The following MITF variants were observed in gnomAD, a reference collection of about 807,000 sequenced individuals.
MITF encodes microphthalmia-associated transcription factor.
Under a neutral mutation model 60.5 loss-of-function variants are expected in MITF, and 17 were observed. The observed-to-expected ratio is 0.28, with a 90% CI of 0.19 to 0.42. MITF has a LOEUF of 0.42. Ranked by LOEUF, MITF falls within the 10% of genes least tolerant of loss-of-function variation. The pLI, the probability that MITF is intolerant of heterozygous loss-of-function variation, is 1.00. For synonymous variants in MITF, 260 were observed against 248.5 expected, an observed-to-expected ratio of 1.05 and a Z score of -0.43; for missense variants, 622 against 683.5, an observed-to-expected ratio of 0.91 and a Z score of 1.00.
At chr3:69,893,605 A>G (rs775726663) in intron 2 of MITF, among the ~76,000 whole-genome samples, 2 of 152,126 alleles carry the variant, frequency 1.3e-5, no homozygotes, top group African/African-American at 4.8e-5. Context: ...GAGCCACATA[A>G]TGGGTTCTTG....
intron 1 of MITF, among the ~76,000 whole-genome samples, chr3:69,802,683 C>CTTTTTTTT (rs34396439): frequency 1.5e-5 from 1 of 66,212 alleles, no homozygotes; most frequent in East Asian, 4.2e-4. Flanking sequence ...AGTCCATATT[C>CTTTTTTTT]TTTTTTTTTT....
intron 1 of MITF, among the ~76,000 whole-genome samples, chr3:69,861,043 A>G (rs2107211620): frequency 6.6e-6 from 1 of 152,316 alleles, no homozygotes; most frequent in Non-Finnish European, 1.5e-5. Context: ...TTCAAATTAG[A>G]GCCGCTGGAC....
intron 1 of MITF, among the ~76,000 whole-genome samples, chr3:69,808,144 T>C (rs1309559275): frequency 6.7e-6 from 1 of 148,228 alleles, no homozygotes; most frequent in Non-Finnish European, 1.5e-5. Context: ...TATATAAATA[T>C]ATATATAAAA....
At chr3:69,957,782 A>G (rs1230956263) in intron 8 of MITF, among the ~76,000 whole-genome samples, 1 of 152,184 alleles carries the variant, frequency 6.6e-6, no homozygotes, top group Non-Finnish European at 1.5e-5. Flanking sequence ...TCCCCGTTGT[A>G]TTAGAATACT....
chr3:69,864,325 T>C (rs1443579751), intron 1 of MITF, among the ~76,000 whole-genome samples: 1 of 152,196 alleles, frequency 6.6e-6, no homozygotes, highest in Non-Finnish European at 1.5e-5. Context: ...TGGGATAGGT[T>C]AGTAAGATAA....
At chr3:69,760,044 C>T (rs771233359) in intron 1 of MITF, among the ~76,000 whole-genome samples, 1 of 152,232 alleles carries the variant, frequency 6.6e-6, no homozygotes, top group Non-Finnish European at 1.5e-5. Flanking sequence ...TCACAAAGTG[C>T]TGGGATTACA....
At chr3:69,853,922 G>A (rs1310874487) in intron 1 of MITF, among the ~76,000 whole-genome samples, 3 of 147,878 alleles carry the variant, frequency 2.0e-5, no homozygotes, top group African/African-American at 5.0e-5. Flanking sequence ...GTGCAGTGGT[G>A]TGATCTCAGC....
chr3:69,913,025 T>G (rs1197782427), intron 2 of MITF, among the ~76,000 whole-genome samples: 1 of 152,168 alleles, frequency 6.6e-6, no homozygotes, highest in African/African-American at 2.4e-5. Context: ...AAGATAGATC[T>G]AGGTGTGTTG....
At chr3:69,858,253 T>C (rs2063953736) in intron 1 of MITF, among the ~76,000 whole-genome samples, 1 of 152,148 alleles carries the variant, frequency 6.6e-6, no homozygotes, top group African/African-American at 2.4e-5. Flanking sequence ...CTAATGTGCA[T>C]TGAGTTTATT....
chr3:69,919,604 A>G (rs1013308341), intron 2 of MITF, among the ~76,000 whole-genome samples: 3 of 152,190 alleles, frequency 2.0e-5, no homozygotes, highest in African/African-American at 7.2e-5. Context: ...AAAATTTCTA[A>G]TAAATACAAA....
At chr3:69,866,455 A>C (rs779455761) in intron 1 of MITF, 3 of 1,329,538 alleles carry the variant, frequency 2.3e-6, no homozygotes, top group Middle Eastern at 1.9e-4. Context: ...TGGGAGTTAA[A>C]AATACTGAAG....
intron 2 of MITF, among the ~76,000 whole-genome samples, chr3:69,892,151 T>C (rs1419321471): frequency 6.6e-6 from 1 of 152,218 alleles, no homozygotes; most frequent in East Asian, 1.9e-4. Context: ...AGCTCTATGT[T>C]TCATTTTTTT....
intron 1 of MITF, among the ~76,000 whole-genome samples, chr3:69,870,292 T>TTATA (rs199801058): frequency 0.023 from 3,422 of 148,980 alleles, 117 homozygotes; most frequent in African/African-American, 0.078. Flanking sequence ...GTGTGTGTGT[T>TTATA]TATATATATA....
chr3:69,779,117 C>T (rs1449085620), intron 1 of MITF: 1 of 152,158 alleles, frequency 6.6e-6, no homozygotes, highest in Non-Finnish European at 1.5e-5. Flanking sequence ...AGTCTCACCA[C>T]CTAATGTTTG....
chr3:69,949,808 G>T (rs1048299947), intron 6 of MITF, among the ~76,000 whole-genome samples: 1 of 152,004 alleles, frequency 6.6e-6, no homozygotes, highest in African/African-American at 2.4e-5. Context: ...AAAACATGGC[G>T]GAAACTATAT....
chr3:69,789,392 C>T (rs2062703376), intron 1 of MITF, among the ~76,000 whole-genome samples: 1 of 152,092 alleles, frequency 6.6e-6, no homozygotes, highest in Non-Finnish European at 1.5e-5. Flanking sequence ...AAAAAGTGCT[C>T]AATGTCACTC....
intron 1 of MITF, among the ~76,000 whole-genome samples, chr3:69,845,651 T>A (rs2063719573): frequency 6.6e-6 from 1 of 152,054 alleles, no homozygotes; most frequent in African/African-American, 2.4e-5. Context: ...CCTTTAGATG[T>A]GTTTGTGTCT....
chr3:69,776,342 G>A (rs1471792033), intron 1 of MITF, among the ~76,000 whole-genome samples: 3 of 152,212 alleles, frequency 2.0e-5, no homozygotes, highest in Non-Finnish European at 4.4e-5. Flanking sequence ...GTAGGGGATA[G>A]TACACTACAT....
At chr3:69,918,481 G>T (rs561767047) in intron 2 of MITF, among the ~76,000 whole-genome samples, 2 of 152,242 alleles carry the variant, frequency 1.3e-5, no homozygotes, top group Admixed American at 1.3e-4. Flanking sequence ...ACAATTTTGG[G>T]ACTTTTAAAA....
Sources: gnomAD v4.1 joint callset for allele counts (sites outside exome capture counted in the v4.1 genomes callset) on GRCh38, gnomAD v4.1.1 for gene constraint, MANE v1.5 for transcripts, NCBI Gene and HGNC (gene_info 2026-07-23, HGNC 2026-07-21) for gene names.